RNF130: variants seen among roughly 807,000 people sequenced by gnomAD.
The protein encoded by RNF130 is ring finger protein 130, also known as E3 ubiquitin-protein ligase RNF130.
A neutral mutation model predicts 44.6 loss-of-function variants in RNF130; 21 were observed. That is an observed-to-expected ratio of 0.47 (90% CI 0.33 to 0.68). The LOEUF (loss-of-function observed/expected upper bound fraction) is 0.68. Ranked by LOEUF, RNF130 falls within the 30% of genes least tolerant of loss-of-function variation. The pLI is 0.02. For missense variants in RNF130, 479 were observed against 560.6 expected, an observed-to-expected ratio of 0.85 and a Z score of 1.47; for synonymous variants, 214 against 210.4, an observed-to-expected ratio of 1.02 and a Z score of -0.15.
chr5:179,937,947 A>T (rs1174378574), intron 7 of RNF130, among the ~76,000 whole-genome samples: 16 of 150,398 alleles, frequency 1.1e-4, no homozygotes, highest in South Asian at 2.1e-4. Flanking sequence ...AGAGAGAGAG[A>T]GAGAGAGAGA....
intron 2 of RNF130, among the ~76,000 whole-genome samples, chr5:180,030,179 T>C (rs1275346009): frequency 2.0e-5 from 3 of 152,142 alleles, no homozygotes; most frequent in Non-Finnish European, 2.9e-5. Context: ...TATCCTTATA[T>C]GCTCTTTTAA....
chr5:179,927,487 G>A (rs1273990475), intron 7 of RNF130, among the ~76,000 whole-genome samples: 1 of 151,596 alleles, frequency 6.6e-6, no homozygotes, highest in Non-Finnish European at 1.5e-5. Flanking sequence ...TACTACCAGC[G>A]CCCTACAAGT....
Position 180,013,105 on chromosome 5 carries a change from A to C in RNF130, c.649T>G (p.Phe217Val). 6.2e-7 allele frequency: 1 copy of C among 1,614,084 alleles called. No individual in the cohort carries two copies. Among genetic ancestry groups the C allele is most frequent in the East Asian group, 2.2e-5 (1 of 44,884 alleles). The change falls in exon 3 of 9, where the codon TTC becomes GTC. Residue 217 changes from phenylalanine (F) to valine (V), a missense_variant. Phe to Val is a conservative substitution (Grantham distance 50). Coordinates refer to ENST00000521389, the MANE Select transcript of RNF130 (RefSeq NM_018434.6). ...IISSAWLIFY[F>V]IQKIRYTNAR... ...TTTGTGTACCTGATCTTCTGAATGA[A>C]GTAGAATATGAGCCATGCTGAAGAA...
intron 6 of RNF130, among the ~76,000 whole-genome samples, chr5:179,968,317 A>AAAC (rs1395431123): frequency 1.4e-5 from 2 of 141,334 alleles, no homozygotes; most frequent in Non-Finnish European, 1.6e-5. Context: ...AACAAACAAA[A>AAAC]AAAGAAGGCG....
chr5:179,945,443 A>C (rs575603124), intron 7 of RNF130, among the ~76,000 whole-genome samples: 2 of 152,270 alleles, frequency 1.3e-5, no homozygotes, highest in Admixed American at 1.3e-4. Context: ...CTTTTCATAC[A>C]AGGAAAGAGA....
Position 179,970,431 on chromosome 5 carries a change from T to C in RNF130, c.924A>G (p.Ile308Met). The C allele has an allele frequency of 6.2e-7, 1 of 1,612,552 alleles. No homozygotes were observed. The highest frequency in any genetic ancestry group is 8.5e-7 in the Non-Finnish European group (1 of 1,179,310). Residue 308 changes from isoleucine to methionine, a missense_variant, in exon 6 of 9, where the codon ATA (isoleucine) becomes ATG (methionine). Around this residue, in one of 3 missense-constraint regions of RNF130, gnomAD observed 161 missense variants for 158.6 expected, o/e 1.02. Transcript: ENST00000521389. Reference protein sequence around the residue: ...HCTCPMCKLNILKALGIVPNL... With the variant: ...HCTCPMCKLNMLKALGIVPNL... ...GTACCACAATTCCCAGGGCCTTCAA[T>C]ATATTAAGTTTGCACATAGGACAGG...
chr5:180,001,373 A>G lies in RNF130; in HGVS notation c.693+11688T>C, dbSNP rs145602523. On this transcript the variant is annotated intron_variant, in intron 3 of 8. Transcript: ENST00000521389. Reference sequence around the variant, plus strand: ...CAGAATGACAATGGGACCATGTCCTAGGCTCAGAGTCTCACAAATGTATTT... The same window carrying G: ...CAGAATGACAATGGGACCATGTCCTGGGCTCAGAGTCTCACAAATGTATTT... Among the ~76,000 whole-genome samples, 95 of 152,340 alleles carry G rather than the reference A, an allele frequency of 6.2e-4. No individual in the cohort carries two copies. The East Asian group carries it at 0.01, about 17-fold the overall frequency.
chr5:179,930,098 C>T (rs533829200), intron 7 of RNF130, among the ~76,000 whole-genome samples: 19 of 151,980 alleles, frequency 1.3e-4, no homozygotes, highest in Non-Finnish European at 2.6e-4. Flanking sequence ...ACTCTTGTCG[C>T]CCAGGCTAGA....
chr5:180,068,047 G>C (rs770589718), intron 1 of RNF130, among the ~76,000 whole-genome samples: 14 of 152,174 alleles, frequency 9.2e-5, no homozygotes, highest in Non-Finnish European at 1.2e-4. Flanking sequence ...TATTCTCTAA[G>C]GCTGTAACAT....
chr5:179,930,773 T>C (rs1262566093), intron 7 of RNF130, among the ~76,000 whole-genome samples: 1 of 151,972 alleles, frequency 6.6e-6, no homozygotes, highest in East Asian at 1.9e-4. Context: ...GCGTGGTGGC[T>C]CATGCCTGTA....
intron 1 of RNF130, among the ~76,000 whole-genome samples, chr5:180,052,801 TGA>T (rs1764717541): frequency 6.6e-6 from 1 of 152,110 alleles, no homozygotes; most frequent in Non-Finnish European, 1.5e-5. Flanking sequence ...AAAGAAAGAC[TGA>T]GAGAGATTGC....
intron 7 of RNF130, among the ~76,000 whole-genome samples, chr5:179,929,079 G>A (rs927470156): frequency 6.6e-6 from 1 of 152,214 alleles, no homozygotes; most frequent in South Asian, 2.1e-4. Flanking sequence ...TTATTTTTTA[G>A]AAGCTTCATG....
intron 1 of RNF130, among the ~76,000 whole-genome samples, chr5:180,057,824 CA>C (rs919422902): frequency 2.6e-5 from 4 of 152,136 alleles, no homozygotes; most frequent in Non-Finnish European, 4.4e-5. Flanking sequence ...AGCAAATTAT[CA>C]AACTGAGTAG....
intron 3 of RNF130, among the ~76,000 whole-genome samples, chr5:179,983,152 T>C (rs182617303): frequency 1.3e-5 from 2 of 152,310 alleles, no homozygotes; most frequent in African/African-American, 4.8e-5. Flanking sequence ...AGTTTTTAAT[T>C]TGATGAAGTC....
intron 3 of RNF130, among the ~76,000 whole-genome samples, chr5:179,982,449 T>C (rs1333733643): frequency 6.6e-6 from 1 of 152,148 alleles, no homozygotes; most frequent in Non-Finnish European, 1.5e-5. Flanking sequence ...TGACTTTTAT[T>C]TAAGAGACTG....
chr5:180,007,613 G>T (rs148949811), intron 3 of RNF130, among the ~76,000 whole-genome samples: 2 of 152,104 alleles, frequency 1.3e-5, no homozygotes, highest in Admixed American at 6.5e-5. Context: ...TGGGGAAAAC[G>T]GAAGGAGGAA....
At chr5:179,999,313 G>A (rs1304853203) in intron 3 of RNF130, among the ~76,000 whole-genome samples, 15 of 150,042 alleles carry the variant, frequency 1.0e-4, no homozygotes, top group Non-Finnish European at 1.5e-4. Context: ...GAGCCACCAC[G>A]CCTGGCCTGT....
At chr5:180,039,077 T>G (rs1450410205) in intron 2 of RNF130, among the ~76,000 whole-genome samples, 1 of 152,186 alleles carries the variant, frequency 6.6e-6, no homozygotes, top group Non-Finnish European at 1.5e-5. Flanking sequence ...CTTAATTTTC[T>G]TTTGCTTTCC....
At chr5:179,964,634 A>G (rs186919266) in intron 7 of RNF130, among the ~76,000 whole-genome samples, 2 of 152,366 alleles carry the variant, frequency 1.3e-5, no homozygotes, top group Non-Finnish European at 2.9e-5. Context: ...CCCTGCATGC[A>G]GAATTGTGTG....
Sources: allele counts gnomAD v4.1 joint callset (sites outside exome capture counted in the v4.1 genomes callset), GRCh38; gene constraint gnomAD v4.1.1; regional missense constraint gnomAD v4.1.1; transcripts MANE v1.5; gene names NCBI Gene and HGNC (gene_info 2026-07-23, HGNC 2026-07-21).